ADAM18: variants seen among roughly 807,000 people sequenced by gnomAD.
The protein encoded by ADAM18 is disintegrin and metalloproteinase domain-containing protein 18.
In ADAM18, 117 loss-of-function variants were observed where a neutral mutation model predicts 94.4. That is an observed-to-expected ratio of 1.24 (90% CI 1.07 to 1.45). ADAM18 has a LOEUF of 1.45. Among genes scored for constraint, ADAM18 ranks in the 40% most tolerant of loss-of-function variants. ADAM18 has a pLI of 0.00. For missense variants in ADAM18, 936 were observed against 880.0 expected (o/e 1.06, Z -0.81); for synonymous variants, 327 against 291.6 (o/e 1.12, Z -1.24).
intron 2 of ADAM18, among the ~76,000 whole-genome samples, chr8:39,600,079 A>G (rs941338118): frequency 3.3e-5 from 5 of 152,164 alleles, no homozygotes; most frequent in Non-Finnish European, 7.4e-5. Flanking sequence ...ATGCCTTTTA[A>G]TAATTTAAGA....
At chr8:39,689,015 G>A (rs971766785) in intron 16 of ADAM18, among the ~76,000 whole-genome samples, 34 of 151,936 alleles carry the variant, frequency 2.2e-4, no homozygotes, top group African/African-American at 8.2e-4. Flanking sequence ...GTCTTCTTTT[G>A]AAAAGTATCT....
chr8:39,678,976 A>G (rs978160608), intron 15 of ADAM18, among the ~76,000 whole-genome samples: 2 of 152,216 alleles, frequency 1.3e-5, no homozygotes, highest in African/African-American at 4.8e-5. Context: ...GACTGGAAGG[A>G]TACATACATA....
intron 2 of ADAM18, among the ~76,000 whole-genome samples, chr8:39,594,970 G>A (rs1026571531): frequency 6.6e-6 from 1 of 151,598 alleles, no homozygotes; most frequent in Non-Finnish European, 1.5e-5. Context: ...AATGACACTG[G>A]TAGAATTTTT....
chr8:39,699,363 ATTAT>A (rs1266875509), intron 17 of ADAM18, among the ~76,000 whole-genome samples: 1 of 152,012 alleles, frequency 6.6e-6, no homozygotes, highest in African/African-American at 2.4e-5. Context: ...ATTTTATTGA[ATTAT>A]TTTTTATTAT....
chr8:39,690,750 G>T (rs1159558420), intron 16 of ADAM18, among the ~76,000 whole-genome samples: 1 of 152,136 alleles, frequency 6.6e-6, no homozygotes, highest in Non-Finnish European at 1.5e-5. Context: ...AAACACACAC[G>T]ATTGGTGGGG....
chr8:39,715,788 A>C (rs1240917046), intron 18 of ADAM18, among the ~76,000 whole-genome samples: 2 of 152,110 alleles, frequency 1.3e-5, no homozygotes, highest in African/African-American at 4.8e-5. Context: ...TAAAAGAATT[A>C]AATCAATAAT....
intron 2 of ADAM18, among the ~76,000 whole-genome samples, chr8:39,588,673 T>C (rs1818480896): frequency 6.6e-6 from 1 of 152,106 alleles, no homozygotes; most frequent in Non-Finnish European, 1.5e-5. Flanking sequence ...CTGACCTCAG[T>C]TGGGATGTGT....
rs1409365864 is a variant in ADAM18, at chr8:39,723,530, T to C, written c.2018-218T>C. Reference sequence around the variant, plus strand: ...AATGCAGCAAACAGCACTCTAAACATGTATACAGCAGGTTAATATTAAATA... The same window carrying C: ...AATGCAGCAAACAGCACTCTAAACACGTATACAGCAGGTTAATATTAAATA... On this transcript the variant is annotated intron_variant, in intron 18 of 19. Coordinates refer to ENST00000265707, the MANE Select transcript of ADAM18 (RefSeq NM_014237.3). Among the ~76,000 whole-genome samples, 6 of 151,606 alleles carry C rather than the reference T, an allele frequency of 4.0e-5. No homozygotes were observed. The East Asian group carries it at 1.2e-3, about 29-fold the overall frequency.
intron 17 of ADAM18, among the ~76,000 whole-genome samples, chr8:39,701,388 C>T (rs567233045): frequency 6.6e-5 from 10 of 151,692 alleles, no homozygotes; most frequent in Admixed American, 3.9e-4. Flanking sequence ...TATTAAGATG[C>T]TTGTTGTTCC....
chr8:39,652,857 G>T, intron 12 of ADAM18, among the ~76,000 whole-genome samples: 1 of 152,034 alleles, frequency 6.6e-6, no homozygotes, highest in East Asian at 1.9e-4. Flanking sequence ...TTTTTTAAAA[G>T]AAAAAATTCC....
At chr8:39,697,312 A>G (rs1490664196) in intron 17 of ADAM18, among the ~76,000 whole-genome samples, 3 of 151,622 alleles carry the variant, frequency 2.0e-5, no homozygotes, top group South Asian at 2.1e-4. Context: ...ATCTGCAAAT[A>G]TATTTTATGT....
At chr8:39,702,266 A>G (rs1822102404) in intron 17 of ADAM18, among the ~76,000 whole-genome samples, 1 of 152,130 alleles carries the variant, frequency 6.6e-6, no homozygotes, top group Non-Finnish European at 1.5e-5. Flanking sequence ...TTTTTTTCAT[A>G]TAACTGTTGG....
chr8:39,703,341 AT>A (rs1191810559), intron 17 of ADAM18, among the ~76,000 whole-genome samples: 1 of 152,102 alleles, frequency 6.6e-6, no homozygotes, highest in African/African-American at 2.4e-5. Context: ...GTATCCTGAG[AT>A]TTTGCTAAAG....
intron 7 of ADAM18, among the ~76,000 whole-genome samples, chr8:39,634,505 G>A (rs1364388355): frequency 6.6e-6 from 1 of 152,190 alleles, no homozygotes; most frequent in Non-Finnish European, 1.5e-5. Flanking sequence ...CAAAGCCTTT[G>A]GGGCTCAAAT....
chr8:39,648,571 T>G, intron 12 of ADAM18, 44 bp downstream of exon 12: 1 of 1,514,038 alleles, frequency 6.6e-7, no homozygotes, highest in East Asian at 2.3e-5. Flanking sequence ...TTTATGTTTC[T>G]GATAAAACAT....
At chr8:39,660,676 A>G (rs1820810645) in intron 12 of ADAM18, among the ~76,000 whole-genome samples, 1 of 152,216 alleles carries the variant, frequency 6.6e-6, no homozygotes, top group Admixed American at 6.5e-5. Flanking sequence ...TCAACAATGG[A>G]CATATCAACC....
rs1327229775 is a variant in ADAM18, at chr8:39,677,373, GACAA to G, written c.1526-54_1526-51del. 4 of 1,378,176 alleles carry G rather than the reference GACAA, an allele frequency of 2.9e-6. No individual in the cohort carries two copies. In the African/African-American group the frequency reaches 5.9e-5, roughly 20 times the overall value. The allele number at this position is 1,378,176 out of a possible 1,614,324, so 85.4% of individuals were successfully genotyped here. A position where few individuals can be genotyped will look rare whatever the true frequency, so the allele number is the denominator to read the frequency against. The stretch of plus-strand genomic sequence containing the variant: ...AATTAAATTTCCTTAGTCTGTTACT[GACAA>G]ACATTTAACTCATATTAAGAATGAT... On this transcript the variant is annotated intron_variant, in intron 14 of 19. Coordinates refer to ENST00000265707, the MANE Select transcript of ADAM18 (RefSeq NM_014237.3).
intron 3 of ADAM18, among the ~76,000 whole-genome samples, chr8:39,607,606 T>C (rs551601526): frequency 3.3e-4 from 50 of 152,282 alleles, no homozygotes; most frequent in African/African-American, 1.2e-3. Flanking sequence ...TTGATCATAG[T>C]TGACCAGTGT....
intron 18 of ADAM18, among the ~76,000 whole-genome samples, chr8:39,712,032 G>GCCC (rs60787071): frequency 4.5e-5 from 6 of 134,596 alleles, no homozygotes; most frequent in African/African-American, 1.4e-4. Context: ...ATCAGAGAAG[G>GCCC]CCCCCCCCCG....
Sources: gnomAD v4.1 joint callset for allele counts (sites outside exome capture counted in the v4.1 genomes callset) on GRCh38, gnomAD v4.1.1 for gene constraint, MANE v1.5 for transcripts, NCBI Gene and HGNC (gene_info 2026-07-23, HGNC 2026-07-21) for gene names.